The following SPTAN1 variants were observed in gnomAD, a reference collection of about 807,000 sequenced individuals.
SPTAN1 encodes the protein spectrin alpha, non-erythrocytic 1.
In SPTAN1, 61 loss-of-function variants were observed where a neutral mutation model predicts 331.3. That is an observed-to-expected ratio of 0.18 (90% CI 0.15 to 0.23). The LOEUF is 0.23. SPTAN1 is among the 10% of genes least tolerant of loss of function. The pLI is 1.00. For missense variants in SPTAN1, 2,043 were observed against 3,147.9 expected (o/e 0.65, Z 8.40); for synonymous variants, 1,153 against 1,173.9 (o/e 0.98, Z 0.36).
chr9:128,617,561 T>G, intron 41 of SPTAN1, 79 bp from the exon 42 acceptor site: 1 of 1,604,320 alleles, frequency 6.2e-7, no homozygotes, highest in Non-Finnish European at 8.5e-7. Context: ...GTCTGTGAGG[T>G]CCACAGTTGA....
rs1379528912 is a variant in SPTAN1 at position 128,629,323 on chromosome 9, G to A, written c.6708-998G>A. On this transcript the variant is annotated intron_variant, in intron 51 of 56. Transcript: ENST00000372739. This position sits in a 1 kb window ranked among gnomAD's most constrained non-coding sequence, Gnocchi z 4.9. ...GAGGGGTCTGTCCTCCCACTGCACC[G>A]GCACCCAGCCTCCTGCCCCCAGGTC... 7.6e-6 allele frequency: 3 copies of A among 392,696 alleles called. No individual in the cohort carries two copies. Among genetic ancestry groups the A allele is most frequent in the Non-Finnish European group, 1.3e-5 (3 of 223,050 alleles). 24.3% of individuals were successfully genotyped at this position (392,696 alleles called of 1,614,324 possible).
At chr9:128,576,060 C>G (rs1442142624) in intron 5 of SPTAN1, among the ~76,000 whole-genome samples, 1 of 152,196 alleles carries the variant, frequency 6.6e-6, no homozygotes, top group Non-Finnish European at 1.5e-5. Flanking sequence ...TCTCACCCTT[C>G]CACAGTGACA....
chr9:128,626,818 C>G, intron 49 of SPTAN1, 131 bp downstream of exon 49: 1 of 1,083,734 alleles, frequency 9.2e-7, no homozygotes, highest in Non-Finnish European at 1.3e-6. Flanking sequence ...TCAGAAGTTT[C>G]ATTTCTTTTT....
At chr9:128,602,769 A>G (rs1170404673) in intron 27 of SPTAN1, among the ~76,000 whole-genome samples, 1 of 151,882 alleles carries the variant, frequency 6.6e-6, no homozygotes, top group Admixed American at 6.6e-5. Flanking sequence ...CCAAGTAGCT[A>G]GGATTACAGG....
intron 45 of SPTAN1, chr9:128,621,659 C>T (rs1387569486): frequency 9.2e-6 from 3 of 324,992 alleles, no homozygotes; most frequent in Non-Finnish European, 1.8e-5. Flanking sequence ...TTTCTTTTCT[C>T]TCCACAGGTT....
At position 128,603,264 on chromosome 9, in the gene SPTAN1, C is replaced by G. The variant is rs78856736; in HGVS notation, c.3580-279C>G. Reference sequence around the variant, plus strand: ...AATCATTAGTCTTTTAGGTATTTTTCTGTCCAACTAGCTGCTAGAATTGTG... The same window carrying G: ...AATCATTAGTCTTTTAGGTATTTTTGTGTCCAACTAGCTGCTAGAATTGTG... On this transcript the variant is annotated intron_variant, in intron 27 of 56. Transcript: ENST00000372739. Among the ~76,000 whole-genome samples the G allele has an allele frequency of 0.022, 3,389 of 151,798 alleles. 111 individuals carry two copies. Among genetic ancestry groups the G allele is most frequent in the African/African-American group, 0.078 (3,233 of 41,364 alleles).
Position 128,611,479 on chromosome 9 carries a change from G to C in SPTAN1, c.4774-235G>C, listed in dbSNP as rs1856551368. On this transcript the variant is annotated intron_variant, in intron 37 of 56. Transcript: ENST00000372739. ...AGCAAGACCCTGTCTCAAAAAAAAG[G>C]ACTTCCAGTTCATCTACTCCTGAGC... is the stretch of plus-strand genomic sequence containing the variant. The C allele has an allele frequency of 1.2e-5, 6 of 499,032 alleles. No homozygotes were observed. In the Admixed American group the frequency reaches 1.6e-4, roughly 13 times the overall value. 30.9% of individuals were successfully genotyped at this position (499,032 alleles called of 1,614,324 possible).
chr9:128,589,928 T>C (rs1368519761), intron 21 of SPTAN1, among the ~76,000 whole-genome samples: 1 of 152,204 alleles, frequency 6.6e-6, no homozygotes, highest in South Asian at 2.1e-4. Flanking sequence ...CAGCAGATCA[T>C]TGAAGACAGC....
chr9:128,572,344 C>T (rs896943702), intron 3 of SPTAN1, among the ~76,000 whole-genome samples: 2 of 152,230 alleles, frequency 1.3e-5, no homozygotes, highest in Non-Finnish European at 2.9e-5. Flanking sequence ...GCACCTGCCT[C>T]CCTGCCCACT....
In SPTAN1 at chr9:128,624,519, T is replaced by C. The variant is rs1239607025; in HGVS notation, c.5992+32T>C. 5.6e-6 allele frequency: 9 copies of C among 1,610,284 alleles called. No homozygotes were observed. The South Asian group carries it at 8.8e-5, about 16-fold the overall frequency. The stretch of plus-strand genomic sequence containing the variant: ...ACTGTCAGCAAGGCCCGGAAGAGCC[T>C]TCCCAGAGCTGCTCTTTGTCTCCTT... On this transcript the variant is annotated intron_variant, in intron 46 of 56. Coordinates refer to ENST00000372739, the MANE Select transcript of SPTAN1 (RefSeq NM_001130438.3).
In SPTAN1 at chr9:128,577,509, G is replaced by T. The variant is rs1420995845; in HGVS notation, c.1085+3G>T. On this transcript the variant is annotated splice_donor_region_variant and intron_variant, in intron 8 of 56. Coordinates refer to ENST00000372739, the MANE Select transcript of SPTAN1 (RefSeq NM_001130438.3). The surrounding 1 kb of genome is among the most constrained non-coding windows in gnomAD (Gnocchi z 4.2). ...GCACGGCTCAATGATTCATACAGGT[G>T]CAAATAATGCTCCAGGTCTTAACCA... 3.1e-6 allele frequency: 5 copies of T among 1,613,502 alleles called. No individual in the cohort carries two copies. The Admixed American group carries it at 5.0e-5, about 16-fold the overall frequency.
At chr9:128,569,860 G>A (rs561080096) in intron 3 of SPTAN1, among the ~76,000 whole-genome samples, 1 of 152,092 alleles carries the variant, frequency 6.6e-6, no homozygotes, top group South Asian at 2.1e-4. Flanking sequence ...ACGTTTGCTT[G>A]GCAATACTCT....
chr9:128,609,556 G>C (rs1180316526), intron 36 of SPTAN1, 95 bp from the exon 37 acceptor site: 13 of 1,104,746 alleles, frequency 1.2e-5, no homozygotes, highest in Non-Finnish European at 1.7e-5. Context: ...TGAGCTTCCT[G>C]GGGGAAGTAT....
intron 1 of SPTAN1, chr9:128,555,386 A>G: frequency 7.8e-7 from 1 of 1,289,714 alleles, no homozygotes; most frequent in South Asian, 1.2e-5. Context: ...TCGTTTCGTA[A>G]ACGCAGAGTC....
Position 128,579,728 on chromosome 9 carries a change from T to G in SPTAN1, c.1313T>G (p.Val438Gly), listed in dbSNP as rs1564216515. ...GCTGGTCACTATGCCTCAGATGAAG[T>G]GAGGGAGAAGGTAAGAGAAGAGAAA... ...LAAGHYASDEVREKLTVLSEE... is the reference protein window; with the variant it reads ...LAAGHYASDEGREKLTVLSEE... Residue 438 changes from valine (V) to glycine (G), a missense_variant, in exon 10 of 57, where the codon GTG (valine) becomes GGG (glycine). Val to Gly is a moderately radical substitution (Grantham distance 109). This residue lies in a region of SPTAN1 where 1,038 missense variants were observed against 1,531.5 expected (regional missense o/e 0.68). Transcript: ENST00000372739. The G allele has an allele frequency of 6.2e-7, 1 of 1,613,794 alleles. No individual in the cohort carries two copies. The highest frequency in any genetic ancestry group is 8.5e-7 in the Non-Finnish European group (1 of 1,179,792).
chr9:128,606,441 C>T (rs1269852188), intron 31 of SPTAN1, among the ~76,000 whole-genome samples: 3 of 148,794 alleles, frequency 2.0e-5, no homozygotes, highest in Non-Finnish European at 3.0e-5. Flanking sequence ...CTCTCATCTC[C>T]TTGCCATATG....
In SPTAN1 at chr9:128,627,931, C is replaced by T; in HGVS notation, c.6696C>T (p.Tyr2232=). The T allele has an allele frequency of 1.2e-6, 2 of 1,614,204 alleles. No homozygotes were observed. The highest frequency in any genetic ancestry group is 1.7e-6 in the Non-Finnish European group (2 of 1,180,042). The change falls in exon 51 of 57, where the codon TAC becomes TAT. Residue 2232 remains tyrosine, a synonymous_variant. Coordinates refer to ENST00000372739, the MANE Select transcript of SPTAN1 (RefSeq NM_001130438.3). The surrounding 1 kb of genome is among the most constrained non-coding windows in gnomAD (Gnocchi z 4.9). ...TTGGATCTGCTCTCCACAGGACATA[C>T]CTCCTCGATGGGTTAATATTGTTTT... ...FHQWIQETRT[Y]LLDGSCMVEE...
At position 128,632,288 on chromosome 9, in the gene SPTAN1, C is replaced by T; in HGVS notation, c.6924C>T (p.Arg2308=). 1.9e-6 allele frequency: 3 copies of T among 1,613,532 alleles called. No individual in the cohort carries two copies. The highest frequency in any genetic ancestry group is 2.2e-5 in the South Asian group (2 of 91,080). ...QWDQLDQLGM[R]MQHNLEQQIQ... ...ACCAGCTGGACCAGCTGGGCATGCG[C>T]ATGCAGCACAACCTGGAGCAGCAGA... The change falls in exon 53 of 57, where the codon CGC becomes CGT. Residue 2308 remains arginine, a synonymous_variant. Transcript: ENST00000372739.
chr9:128,577,037 TG>T lies in SPTAN1; in HGVS notation c.785+82del, dbSNP rs756233569. 407 of 1,613,808 alleles carry T rather than the reference TG, an allele frequency of 2.5e-4. No homozygotes were observed. The highest frequency in any genetic ancestry group is 3.3e-4 in the Non-Finnish European group (387 of 1,179,976). On this transcript the variant is annotated intron_variant, in intron 6 of 56. Coordinates refer to ENST00000372739, the MANE Select transcript of SPTAN1 (RefSeq NM_001130438.3). This position sits in a 1 kb window ranked among gnomAD's most constrained non-coding sequence, Gnocchi z 4.2. ...AAGCACAGGGCATGTGCTGGTGAGC[TG>T]TCGAGGCTGACTAGGCCTTGGTCCC...
Sources: allele counts gnomAD v4.1 joint callset (sites outside exome capture counted in the v4.1 genomes callset), GRCh38; gene constraint gnomAD v4.1.1; regional missense constraint gnomAD v4.1.1; non-coding constraint Gnocchi (gnomAD v3.1); transcripts MANE v1.5; gene names NCBI Gene and HGNC (gene_info 2026-07-23, HGNC 2026-07-21).